SCHIP1: variants seen among roughly 807,000 people sequenced by gnomAD.
SCHIP1 encodes the protein schwannomin-interacting protein 1.
Under a neutral mutation model 29.7 loss-of-function variants are expected in SCHIP1, and 8 were observed. The ratio of observed to expected loss-of-function variants is 0.27; its 90% CI spans 0.16 to 0.49. SCHIP1 has a LOEUF of 0.49. Ranked by LOEUF, SCHIP1 falls within the 20% of genes least tolerant of loss-of-function variation. SCHIP1 has a pLI of 0.99. For missense variants in SCHIP1, 193 were observed against 294.6 expected, an observed-to-expected ratio of 0.66 and a Z score of 2.52; for synonymous variants, 76 against 94.9, an observed-to-expected ratio of 0.80 and a Z score of 1.16.
intron 3 of SCHIP1, chr3:159,886,683 G>A (rs1260364803): frequency 4.6e-6 from 1 of 216,806 alleles, no homozygotes; most frequent in Non-Finnish European, 9.3e-6. Context: ...CTGAGCCCAG[G>A]AGTTCAAGGC....
the SCHIP1 span, among the ~76,000 whole-genome samples, chr3:159,399,858 T>A: frequency 6.6e-6 from 1 of 152,194 alleles, no homozygotes; most frequent in Non-Finnish European, 1.5e-5. Flanking sequence ...TTAAATTTTT[T>A]GTAGAGACAA....
the SCHIP1 span, among the ~76,000 whole-genome samples, chr3:159,598,516 A>G: frequency 6.6e-6 from 1 of 152,118 alleles, no homozygotes; most frequent in Non-Finnish European, 1.5e-5. Context: ...CTCAAAAATG[A>G]TCTCCTTTGA....
chr3:159,894,959 C>T (rs892229894), intron 6 of SCHIP1, among the ~76,000 whole-genome samples: 2 of 152,064 alleles, frequency 1.3e-5, no homozygotes, highest in South Asian at 2.1e-4. Flanking sequence ...GATGTATGTG[C>T]GTGCATGTGC....
chr3:159,878,733 C>T (rs1467299373), intron 2 of SCHIP1, among the ~76,000 whole-genome samples: 1 of 148,132 alleles, frequency 6.8e-6, no homozygotes, highest in East Asian at 2.0e-4. Context: ...AGCCGAGATC[C>T]CGCCACTGCA....
the SCHIP1 span, among the ~76,000 whole-genome samples, chr3:159,594,072 A>G: frequency 6.6e-6 from 1 of 152,204 alleles, no homozygotes; most frequent in Non-Finnish European, 1.5e-5. Context: ...TCCCCTGTGT[A>G]GGGAAAGGAA....
the SCHIP1 span, among the ~76,000 whole-genome samples, chr3:159,514,227 C>T: frequency 6.6e-6 from 1 of 152,082 alleles, no homozygotes; most frequent in Non-Finnish European, 1.5e-5. Context: ...AAGGCCTGTC[C>T]ATTTTTGTTT....
chr3:159,628,323 A>G, the SCHIP1 span, among the ~76,000 whole-genome samples: 1 of 152,214 alleles, frequency 6.6e-6, no homozygotes, highest in Non-Finnish European at 1.5e-5. Flanking sequence ...CTGACAGAAT[A>G]TATTTGGGAA....
the SCHIP1 span, among the ~76,000 whole-genome samples, chr3:159,480,606 A>G: frequency 6.6e-6 from 1 of 152,092 alleles, no homozygotes; most frequent in Admixed American, 6.5e-5. Context: ...CTTCTCTCAA[A>G]ACAAAAGAAC....
the SCHIP1 span, among the ~76,000 whole-genome samples, chr3:159,673,707 A>G: frequency 1.3e-5 from 2 of 152,192 alleles, no homozygotes; most frequent in African/African-American, 2.4e-5. Flanking sequence ...CCTTTGTCAG[A>G]GGGGAGAGCT....
intron 5 of SCHIP1, among the ~76,000 whole-genome samples, 169 bp downstream of exon 6, chr3:159,889,112 A>G (rs1263703049): frequency 6.6e-6 from 1 of 152,182 alleles, no homozygotes; most frequent in Non-Finnish European, 1.5e-5. Flanking sequence ...TTTTAGCTGT[A>G]AAATGTTCAG....
At chr3:159,475,813 A>C in the SCHIP1 span, among the ~76,000 whole-genome samples, 242 of 152,310 alleles carry the variant, frequency 1.6e-3, no homozygotes, top group Admixed American at 3.5e-3. Flanking sequence ...ATAATTAGGA[A>C]AAGAAGCATT....
the SCHIP1 span, among the ~76,000 whole-genome samples, chr3:159,705,988 A>G: frequency 6.6e-6 from 1 of 152,146 alleles, no homozygotes; most frequent in African/African-American, 2.4e-5. Flanking sequence ...TACAGGTGTG[A>G]GCCACCGCAC....
At chr3:159,854,958 T>A (rs949180056) in intron 1 of SCHIP1, among the ~76,000 whole-genome samples, 7 of 152,250 alleles carry the variant, frequency 4.6e-5, no homozygotes, top group African/African-American at 1.7e-4. Flanking sequence ...TACAGACATG[T>A]ACGGCTCAAG....
At chr3:159,848,010 T>G (rs1230269393) in intron 1 of SCHIP1, among the ~76,000 whole-genome samples, 2 of 147,520 alleles carry the variant, frequency 1.4e-5, no homozygotes, top group African/African-American at 5.1e-5. Context: ...CGAGTTTCCA[T>G]GTATGATAGG....
At chr3:159,638,120 A>T in the SCHIP1 span, among the ~76,000 whole-genome samples, 1 of 152,220 alleles carries the variant, frequency 6.6e-6, no homozygotes, top group East Asian at 1.9e-4. Context: ...TTCTGAGTCC[A>T]GCTAAGATTT....
At chr3:159,347,349 T>C in the SCHIP1 span, among the ~76,000 whole-genome samples, 3 of 152,156 alleles carry the variant, frequency 2.0e-5, no homozygotes, top group Non-Finnish European at 4.4e-5. Flanking sequence ...TATCGAAGTC[T>C]TACATTTCAG....
chr3:159,690,205 G>A, the SCHIP1 span, among the ~76,000 whole-genome samples: 1 of 152,056 alleles, frequency 6.6e-6, no homozygotes, highest in Non-Finnish European at 1.5e-5. Context: ...GGTAGAATTC[G>A]GCTGTGAATC....
chr3:159,746,208 C>T, the SCHIP1 span, among the ~76,000 whole-genome samples: 1 of 152,220 alleles, frequency 6.6e-6, no homozygotes, highest in Non-Finnish European at 1.5e-5. Flanking sequence ...TTAAGATTTA[C>T]AGAAGGGGAA....
the SCHIP1 span, among the ~76,000 whole-genome samples, chr3:159,825,671 C>T: frequency 6.6e-6 from 1 of 152,126 alleles, no homozygotes; most frequent in African/African-American, 2.4e-5. Context: ...GTGCCAGATG[C>T]TAGATGGGCA....
Sources: gnomAD v4.1 joint callset for allele counts (sites outside exome capture counted in the v4.1 genomes callset) on GRCh38, gnomAD v4.1.1 for gene constraint, MANE v1.5 for transcripts, NCBI Gene and HGNC (gene_info 2026-07-23, HGNC 2026-07-21) for gene names.